Variants in C12orf42 observed in about 807,000 individuals in gnomAD.
The protein encoded by C12orf42 is uncharacterized protein C12orf42.
A neutral mutation model predicts 21.6 loss-of-function variants in C12orf42; 25 were observed. The observed-to-expected ratio is 1.16, with a 90% confidence interval of 0.84 to 1.62. The LOEUF is 1.62. C12orf42 is among the 40% of genes most tolerant of loss of function. The probability of loss-of-function intolerance (pLI) is 0.00; values close to 1 mark genes in which losing one functional copy is unlikely to be tolerated. For synonymous variants in C12orf42, 174 were observed against 175.0 expected (o/e 0.99, Z 0.05); for missense variants, 483 against 459.3 (o/e 1.05, Z -0.47).
the C12orf42 span, among the ~76,000 whole-genome samples, chr12:103,201,906 A>G: frequency 6.6e-6 from 1 of 152,334 alleles, no homozygotes; most frequent in East Asian, 1.9e-4. Context: ...TAAATATAAA[A>G]TAAGCAAGTA....
the C12orf42 span, among the ~76,000 whole-genome samples, chr12:103,225,128 G>A: frequency 2.0e-5 from 3 of 152,280 alleles, no homozygotes; most frequent in East Asian, 5.8e-4. Flanking sequence ...CTGGGACAAG[G>A]GGTGCAGGGG....
At chr12:103,270,880 A>C (rs2035436158) in intron 5 of C12orf42, among the ~76,000 whole-genome samples, 1 of 152,104 alleles carries the variant, frequency 6.6e-6, no homozygotes, top group African/African-American at 2.4e-5. Context: ...TTCTCTCTTT[A>C]TCAAAATATA....
intron 4 of C12orf42, among the ~76,000 whole-genome samples, chr12:103,280,556 C>T (rs934736523): frequency 6.6e-6 from 1 of 152,040 alleles, no homozygotes; most frequent in Non-Finnish European, 1.5e-5. Context: ...GAGGCAGAGG[C>T]TGTAGAGAGC....
intron 4 of C12orf42, among the ~76,000 whole-genome samples, chr12:103,354,615 T>C (rs944437237): frequency 7.9e-5 from 12 of 152,194 alleles, no homozygotes; most frequent in Non-Finnish European, 1.8e-4. Flanking sequence ...AGAGTCAGCA[T>C]TTAATAAATA....
chr12:103,363,702 T>C (rs2044326052), intron 4 of C12orf42, among the ~76,000 whole-genome samples: 1 of 151,900 alleles, frequency 6.6e-6, no homozygotes, highest in South Asian at 2.1e-4. Context: ...TATTGTTATA[T>C]CAGACAAAAT....
At chr12:103,461,492 TATAAA>T (rs1240761216) in intron 2 of C12orf42, among the ~76,000 whole-genome samples, 1 of 152,222 alleles carries the variant, frequency 6.6e-6, no homozygotes, top group African/African-American at 2.4e-5. Flanking sequence ...CACTTTGCAT[TATAAA>T]ATATTTCCAT....
intron 4 of C12orf42, among the ~76,000 whole-genome samples, chr12:103,360,068 T>A (rs1046484452): frequency 1.4e-4 from 21 of 150,844 alleles, no homozygotes; most frequent in Non-Finnish European, 2.5e-4. Flanking sequence ...TTTTCCTACC[T>A]GTAGTCTTGC....
chr12:103,394,057 AT>A (rs1370478895), intron 3 of C12orf42, among the ~76,000 whole-genome samples: 2 of 152,216 alleles, frequency 1.3e-5, no homozygotes, highest in Non-Finnish European at 2.9e-5. Flanking sequence ...TTTCTTTCAG[AT>A]GTTCATACTG....
chr12:103,529,847 C>A, the C12orf42 span, among the ~76,000 whole-genome samples: 8 of 152,246 alleles, frequency 5.3e-5, no homozygotes, highest in East Asian at 1.3e-3. Flanking sequence ...TCCCTCACCC[C>A]CAAAGAGATT....
intron 4 of C12orf42, among the ~76,000 whole-genome samples, chr12:103,294,368 A>G (rs2037010272): frequency 7.2e-6 from 1 of 139,278 alleles, no homozygotes. Context: ...AAAAAAAAAG[A>G]AAGAGAAAGA....
chr12:103,555,863 AC>A, the C12orf42 span, among the ~76,000 whole-genome samples: 21 of 150,322 alleles, frequency 1.4e-4, no homozygotes, highest in Non-Finnish European at 2.5e-4. Context: ...CCTCTACCTC[AC>A]CCCCACCTGC....
chr12:103,474,128 G>A (rs914578430), intron 2 of C12orf42, among the ~76,000 whole-genome samples: 1 of 152,092 alleles, frequency 6.6e-6, no homozygotes, highest in Non-Finnish European at 1.5e-5. Context: ...GAAGTAGGCA[G>A]CCAGAAACTA....
downstream of C12orf42, among the ~76,000 whole-genome samples, chr12:103,299,374 TA>T (rs1448466655): frequency 6.6e-6 from 1 of 151,684 alleles, no homozygotes; most frequent in Admixed American, 6.6e-5. Flanking sequence ...TTATATATTA[TA>T]AAAAGAGTCC....
At chr12:103,465,100 A>G (rs1296886346) in intron 2 of C12orf42, among the ~76,000 whole-genome samples, 1 of 152,106 alleles carries the variant, frequency 6.6e-6, no homozygotes, top group Non-Finnish European at 1.5e-5. Flanking sequence ...TCTTGGTTCC[A>G]TATAAATTTT....
chr12:103,357,494 C>A (rs746621317), intron 4 of C12orf42, among the ~76,000 whole-genome samples: 1 of 152,002 alleles, frequency 6.6e-6, no homozygotes, highest in Non-Finnish European at 1.5e-5. Context: ...AAGAGGAATG[C>A]TCCATCTGTC....
At chr12:103,372,114 C>T (rs759680593) in intron 3 of C12orf42, among the ~76,000 whole-genome samples, 2 of 152,070 alleles carry the variant, frequency 1.3e-5, no homozygotes, top group Admixed American at 1.3e-4. Flanking sequence ...TATGCACAGC[C>T]GTTTCCTGTC....
At chr12:103,331,033 C>A (rs947884950) in intron 4 of C12orf42, among the ~76,000 whole-genome samples, 5 of 152,190 alleles carry the variant, frequency 3.3e-5, no homozygotes, top group Admixed American at 2.6e-4. Flanking sequence ...TAAACCAATT[C>A]TCTAAATAAA....
the C12orf42 span, among the ~76,000 whole-genome samples, chr12:103,147,265 T>C: frequency 7.9e-5 from 12 of 152,274 alleles, no homozygotes; most frequent in African/African-American, 2.2e-4. Context: ...CAACCTAGTT[T>C]TTTCCCCTTA....
chr12:103,097,360 C>G, the C12orf42 span, among the ~76,000 whole-genome samples: 1 of 152,150 alleles, frequency 6.6e-6, no homozygotes, highest in Admixed American at 6.5e-5. Flanking sequence ...ATTAAGTAGA[C>G]AAAGGCTTTA....
Sources: gnomAD v4.1 joint callset for allele counts (sites outside exome capture counted in the v4.1 genomes callset) on GRCh38, gnomAD v4.1.1 for gene constraint, MANE v1.5 for transcripts, NCBI Gene and HGNC (gene_info 2026-07-23, HGNC 2026-07-21) for gene names.